The following PTGFR variants were observed in gnomAD, a reference collection of about 807,000 sequenced individuals.
PTGFR encodes prostaglandin F2-alpha receptor.
Under a neutral mutation model 26.2 loss-of-function variants are expected in PTGFR, and 15 were observed. That is an observed-to-expected ratio of 0.57 (90% CI 0.38 to 0.88). PTGFR has a LOEUF of 0.88. PTGFR is among the 40% of genes least tolerant of loss of function. The pLI is 0.00. For synonymous variants in PTGFR, 165 were observed against 151.1 expected (o/e 1.09, Z -0.68); for missense variants, 369 against 427.2 (o/e 0.86, Z 1.20).
intron 2 of PTGFR, among the ~76,000 whole-genome samples, chr1:78,516,285 C>T (rs893025879): frequency 3.3e-5 from 5 of 152,112 alleles, no homozygotes; most frequent in Admixed American, 2.6e-4. Context: ...GGGATACAAT[C>T]ATATAACACA....
At chr1:78,491,646 T>TA (rs769897955) in intron 1 of PTGFR, among the ~76,000 whole-genome samples, 1 of 152,178 alleles carries the variant, frequency 6.6e-6, no homozygotes, top group Non-Finnish European at 1.5e-5. Flanking sequence ...TTGGAGGGAA[T>TA]GTTGCGAGGC....
intron 2 of PTGFR, among the ~76,000 whole-genome samples, chr1:78,517,456 A>G (rs1040814118): frequency 3.3e-5 from 5 of 152,116 alleles, no homozygotes; most frequent in African/African-American, 1.2e-4. Flanking sequence ...GTGGGTGGGA[A>G]TGGGGCTATT....
At chr1:78,528,274 A>G (rs1263598090) in intron 2 of PTGFR, among the ~76,000 whole-genome samples, 2 of 146,196 alleles carry the variant, frequency 1.4e-5, no homozygotes, top group Non-Finnish European at 3.0e-5. Context: ...AACTCCAGAG[A>G]AGTAAGTTCA....
intron 2 of PTGFR, among the ~76,000 whole-genome samples, chr1:78,514,365 G>A (rs1008389229): frequency 1.3e-5 from 2 of 152,154 alleles, no homozygotes; most frequent in Non-Finnish European, 2.9e-5. Context: ...TCATTCAGGA[G>A]CTTTAAGATT....
At chr1:78,524,177 C>T (rs1270835299) in intron 2 of PTGFR, among the ~76,000 whole-genome samples, 1 of 152,078 alleles carries the variant, frequency 6.6e-6, no homozygotes, top group Non-Finnish European at 1.5e-5. Context: ...GGGTGTGAAC[C>T]TGTCCCTGTA....
rs752460958 is a variant in PTGFR at position 78,492,878 on chromosome 1, C to G, written c.135C>G (p.Ser45Arg). Residue 45 changes from serine to arginine, a missense_variant, in exon 2 of 3, where the codon AGC becomes AGG. Coordinates refer to ENST00000370757, the MANE Select transcript of PTGFR (RefSeq NM_000959.4). ...TGACAGTGGGAATCTTGTCAAACAG[C>G]CTTGCCATCGCCATTCTCATGAAGG... ...IFMTVGILSN[S>R]LAIAILMKAY... 1.2e-5 allele frequency: 20 copies of G among 1,614,096 alleles called. No individual in the cohort carries two copies. In the Admixed American group the frequency reaches 1.5e-4, roughly 12 times the overall value.
chr1:78,535,712 T>A (rs774536998), intron 2 of PTGFR, among the ~76,000 whole-genome samples: 2 of 152,156 alleles, frequency 1.3e-5, no homozygotes, highest in African/African-American at 2.4e-5. Context: ...CATGAAATGA[T>A]CTCTTCAAAA....
At chr1:78,509,394 C>T (rs925873221) in intron 2 of PTGFR, among the ~76,000 whole-genome samples, 5 of 152,164 alleles carry the variant, frequency 3.3e-5, no homozygotes, top group Non-Finnish European at 7.4e-5. Flanking sequence ...CCTAGCATAT[C>T]CTTTTTGTCT....
intron 2 of PTGFR, among the ~76,000 whole-genome samples, chr1:78,499,591 G>GT (rs1476588232): frequency 6.6e-6 from 1 of 152,184 alleles, no homozygotes; most frequent in Admixed American, 6.5e-5. Context: ...GGGAATACCT[G>GT]TAGTACTTTG....
intron 2 of PTGFR, among the ~76,000 whole-genome samples, chr1:78,505,373 T>G (rs1649804325): frequency 6.6e-6 from 1 of 152,122 alleles, no homozygotes; most frequent in South Asian, 2.1e-4. Context: ...TCCACCCACC[T>G]CGGCCTCCCA....
At chr1:78,521,931 G>A (rs12401416) in intron 2 of PTGFR, among the ~76,000 whole-genome samples, 27,154 of 151,954 alleles carry the variant, frequency 0.18, 3,148 homozygotes, top group East Asian at 0.55. Context: ...ATGAAACAGC[G>A]CTCATCTTAT....
chr1:78,512,970 C>T (rs1650008668), intron 2 of PTGFR, among the ~76,000 whole-genome samples: 1 of 152,172 alleles, frequency 6.6e-6, no homozygotes, highest in Admixed American at 6.5e-5. Flanking sequence ...TTCCTAATGT[C>T]CTCACCAGAA....
chr1:78,493,478 G>T lies in PTGFR; in HGVS notation c.735G>T (p.Leu245Phe). The T allele has an allele frequency of 2.5e-6, 4 of 1,591,860 alleles. No individual in the cohort carries two copies. The highest frequency in any genetic ancestry group is 3.4e-6 in the Non-Finnish European group (4 of 1,169,226). Residue 245 changes from leucine to phenylalanine, a missense_variant, in exon 2 of 3, where the codon TTG becomes TTT. Transcript: ENST00000370757. ...ACAGACAAGGCAGATCTCATCATTT[G>T]GAAATGGTAATCCAGCTCCTGGCGA... ...QQHRQGRSHH[L>F]EMVIQLLAIM... is the part of the protein sequence containing the mutation.
intron 2 of PTGFR, chr1:78,497,897 G>T: frequency 6.3e-7 from 1 of 1,593,306 alleles, no homozygotes; most frequent in South Asian, 1.1e-5. Context: ...TTTTGAATGG[G>T]AAAGAGAAAT....
intron 2 of PTGFR, among the ~76,000 whole-genome samples, chr1:78,523,056 C>T (rs1286773861): frequency 6.6e-6 from 1 of 152,062 alleles, no homozygotes; most frequent in Non-Finnish European, 1.5e-5. Context: ...TCCTAGGTGA[C>T]ATCATTTTAA....
Position 78,508,154 on chromosome 1 carries a change from T to C in PTGFR, c.798+14613T>C, listed in dbSNP as rs114432154. 8.9e-4 allele frequency among the ~76,000 whole-genome samples: 135 copies of C among 152,300 alleles called. 1 individual carries two copies. Among genetic ancestry groups the C allele is most frequent in the African/African-American group, 3.0e-3 (126 of 41,576 alleles). ...TATTTTCTTTTTTTCTGTTTGTGCT[T>C]CTGGCTACTTTGTTTTTTCCTCATG... On this transcript the variant is annotated intron_variant, in intron 2 of 2. Coordinates refer to ENST00000370757, the MANE Select transcript of PTGFR (RefSeq NM_000959.4).
At chr1:78,528,411 T>C (rs566790733) in intron 2 of PTGFR, among the ~76,000 whole-genome samples, 3 of 151,368 alleles carry the variant, frequency 2.0e-5, no homozygotes, top group Non-Finnish European at 4.4e-5. Flanking sequence ...TTAGTGAAAT[T>C]GACTGGATCA....
intron 2 of PTGFR, among the ~76,000 whole-genome samples, chr1:78,516,399 A>T (rs186654837): frequency 7.9e-5 from 12 of 152,204 alleles, no homozygotes; most frequent in African/African-American, 2.9e-4. Context: ...AAGAGCTCTG[A>T]CATGAAGAAA....
intron 2 of PTGFR, among the ~76,000 whole-genome samples, chr1:78,511,447 A>G (rs1357343293): frequency 2.6e-5 from 4 of 152,164 alleles, no homozygotes; most frequent in African/African-American, 9.7e-5. Flanking sequence ...CAGGAGATTT[A>G]CCTGAGGCCC....
Sources: allele counts gnomAD v4.1 joint callset (sites outside exome capture counted in the v4.1 genomes callset), GRCh38; gene constraint gnomAD v4.1.1; transcripts MANE v1.5; gene names NCBI Gene and HGNC (gene_info 2026-07-23, HGNC 2026-07-21).